The following TYK2 variants were observed in gnomAD, a reference collection of about 807,000 sequenced individuals.
The protein encoded by TYK2 is non-receptor tyrosine-protein kinase TYK2.
TYK2 carries 65 observed loss-of-function variants against 130.9 expected under a neutral mutation model. The observed-to-expected ratio is 0.50, with a 90% CI of 0.41 to 0.61. The LOEUF (loss-of-function observed/expected upper bound fraction) is 0.61, where lower values mean the gene tolerates loss of function less well. TYK2 is among the 20% of genes least tolerant of loss of function. The pLI is 0.00. For missense variants in TYK2, 1,378 were observed against 1,610.7 expected, an observed-to-expected ratio of 0.86 and a Z score of 2.47; for synonymous variants, 647 against 658.9, an observed-to-expected ratio of 0.98 and a Z score of 0.28.
In TYK2 at chr19:10,362,288, G is replaced by A. The variant is rs78089853; in HGVS notation, c.1645C>T (p.Arg549Cys). Reference sequence around the variant, plus strand: ...CCTCCTGGTTGGGGCAGGCAACAGCGACGCAGAGAGAAGCAGTCATCCCCG... The same window carrying A: ...CCTCCTGGTTGGGGCAGGCAACAGCAACGCAGAGAGAAGCAGTCATCCCCG... Reference protein sequence around the residue: ...RAGDDCFSLRRCCLPQPGETS... With the variant: ...RAGDDCFSLRCCCLPQPGETS... Residue 549 changes from arginine (R) to cysteine (C), a missense_variant, in exon 11 of 25, where the codon CGC (arginine) becomes TGC (cysteine). Coordinates refer to ENST00000525621, the MANE Select transcript of TYK2 (RefSeq NM_003331.5). The A allele has an allele frequency of 5.8e-5, 94 of 1,614,120 alleles. No individual in the cohort carries two copies. The East Asian group carries it at 1.9e-3, about 32-fold the overall frequency.
intron 22 of TYK2, 64 bp downstream of exon 22, chr19:10,352,862 C>T: frequency 6.6e-7 from 1 of 1,515,386 alleles, no homozygotes; most frequent in South Asian, 1.3e-5. Context: ...CAGCATCCGT[C>T]TACTCCACCC....
chr19:10,354,975 G>A (rs1288134531), intron 18 of TYK2, among the ~76,000 whole-genome samples: 2 of 148,614 alleles, frequency 1.3e-5, no homozygotes, highest in African/African-American at 2.5e-5. Context: ...AGGATCGTTT[G>A]AGCCCAGGAG....
chr19:10,356,844 A>T, intron 17 of TYK2, 126 bp from the exon 18 acceptor site: 1 of 995,066 alleles, frequency 1.0e-6, no homozygotes, highest in Non-Finnish European at 1.5e-6. Flanking sequence ...CATTATACAG[A>T]TGAGGCAACT....
At chr19:10,376,845 A>T (rs1462941858) in intron 3 of TYK2, among the ~76,000 whole-genome samples, 1 of 139,704 alleles carries the variant, frequency 7.2e-6, no homozygotes, top group Non-Finnish European at 1.5e-5. Flanking sequence ...CAAGTGATCC[A>T]CCAGCCTCAG....
In TYK2 at chr19:10,359,299, A is replaced by G. The variant is rs12720356; in HGVS notation, c.2051T>C (p.Ile684Thr). Residue 684 changes from isoleucine (I) to threonine (T), a missense_variant, in exon 15 of 25, where the codon ATC becomes ACC. Coordinates refer to ENST00000525621, the MANE Select transcript of TYK2 (RefSeq NM_003331.5). Reference protein sequence around the residue: ...HGVCVRGPENIMVTEYVEHGP... With the variant: ...HGVCVRGPENTMVTEYVEHGP... Reference sequence around the variant, plus strand: ...GTGCTCCACGTACTCTGTCACCATGATATCTGTAAAGACACAGCTGCTCTG... The same window carrying G: ...GTGCTCCACGTACTCTGTCACCATGGTATCTGTAAAGACACAGCTGCTCTG... 10 of 1,610,648 alleles carry G rather than the reference A, an allele frequency of 6.2e-6. No individual in the cohort carries two copies. The highest frequency in any genetic ancestry group is 1.7e-5 in the Admixed American group (1 of 59,894).
chr19:10,366,733 T>TAAAAAA (rs750662938), intron 5 of TYK2, among the ~76,000 whole-genome samples, 153 bp from the exon 6 acceptor site: 1 of 101,918 alleles, frequency 9.8e-6, no homozygotes. Context: ...GCTGATGAGC[T>TAAAAAA]AAAAAAAAAA....
chr19:10,354,098 A>T lies in TYK2; in HGVS notation c.2852T>A (p.Leu951Gln), dbSNP rs778172039. The T allele has an allele frequency of 6.2e-7, 1 of 1,614,126 alleles. No individual in the cohort carries two copies. The highest frequency in any genetic ancestry group is 8.5e-7 in the Non-Finnish European group (1 of 1,180,028). ...RSGWKQEIDI[L>Q]RTLYHEHIIK... ...GATGTGCTCGTGGTAGAGCGTGCGC[A>T]GAATGTCAATCTCCTGCTTCCAGCC... Residue 951 changes from leucine (L) to glutamine (Q), a missense_variant, in exon 20 of 25, where the codon CTG (leucine) becomes CAG (glutamine). Transcript: ENST00000525621.
In TYK2 at chr19:10,350,952, T is replaced by G; in HGVS notation, c.3446A>C (p.Lys1149Thr). 1 of 1,614,174 alleles carries G rather than the reference T, an allele frequency of 6.2e-7. No individual in the cohort carries two copies. Among genetic ancestry groups the G allele is most frequent in the Non-Finnish European group, 8.5e-7 (1 of 1,180,024 alleles). ...GGACGCCTCTGTCTCCCAGCAGTTC[T>G]TCATGAGATGATAGACCTAGAAGGA... ...KCPCEVYHLMKNCWETEASFR... is the reference protein window; with the variant it reads ...KCPCEVYHLMTNCWETEASFR... Residue 1149 changes from lysine (K) to threonine (T), a missense_variant, in exon 25 of 25, where the codon AAG becomes ACG. Physicochemically the swap from Lys to Thr is moderately conservative, Grantham distance 78. Coordinates refer to ENST00000525621, the MANE Select transcript of TYK2 (RefSeq NM_003331.5).
chr19:10,378,744 G>A (rs1199996107), intron 2 of TYK2, among the ~76,000 whole-genome samples: 3 of 152,226 alleles, frequency 2.0e-5, no homozygotes, highest in South Asian at 2.1e-4. Flanking sequence ...ACTTTGGGAT[G>A]TTGAGGCAAG....
At position 10,353,611 on chromosome 19, in the gene TYK2, G is replaced by T; in HGVS notation, c.2944C>A (p.Pro982Thr). The change falls in exon 21 of 25, where the codon CCC becomes ACC. Residue 982 changes from proline to threonine, a missense_variant. Transcript: ENST00000525621. This position sits in a 1 kb window ranked among gnomAD's most constrained non-coding sequence, Gnocchi z 6.9. ...AGGTAGTCTCGGAGGCTGCCCAGGG[G>T]CACGTACTCCATGACCAGCTGCAGC... Reference protein sequence around the residue: ...KSLQLVMEYVPLGSLRDYLPR... With the variant: ...KSLQLVMEYVTLGSLRDYLPR... The T allele has an allele frequency of 6.8e-7, 1 of 1,479,966 alleles. No individual in the cohort carries two copies. The highest frequency in any genetic ancestry group is 9.0e-7 in the Non-Finnish European group (1 of 1,113,922). The allele number at this position is 1,479,966 out of a possible 1,614,324, so 91.7% of individuals were successfully genotyped here.
intron 3 of TYK2, among the ~76,000 whole-genome samples, chr19:10,374,493 G>A (rs1053530404): frequency 4.1e-5 from 6 of 146,850 alleles, no homozygotes; most frequent in Admixed American, 1.4e-4. Flanking sequence ...GCTGAGGCAG[G>A]AGAATCACTT....
intron 2 of TYK2, among the ~76,000 whole-genome samples, 156 bp downstream of exon 2, chr19:10,379,459 G>C (rs993242134): frequency 1.3e-5 from 2 of 150,710 alleles, no homozygotes; most frequent in Admixed American, 6.6e-5. Flanking sequence ...TCTGGAGATT[G>C]AGACCATCTT....
chr19:10,358,294 G>GTTTTTTTTTTTTTTTTTTT (rs770531180), intron 15 of TYK2, among the ~76,000 whole-genome samples, 156 bp from the exon 16 acceptor site: 7 of 91,440 alleles, frequency 7.7e-5, no homozygotes, highest in African/African-American at 3.1e-4. Flanking sequence ...TTTTTTTCTT[G>GTTTTTTTTTTTTTTTTTTT]TTTTTTTTTT....
chr19:10,353,352 G>T lies in TYK2; in HGVS notation c.3027+176C>A. The T allele has an allele frequency of 1.7e-6, 1 of 581,660 alleles. No homozygotes were observed. The highest frequency in any genetic ancestry group is 3.0e-6 in the Non-Finnish European group (1 of 337,456). The allele number at this position is 581,660 out of a possible 1,614,324, so 36.0% of individuals were successfully genotyped here. A position where few individuals can be genotyped will look rare whatever the true frequency, so the allele number is the denominator to read the frequency against. The stretch of plus-strand genomic sequence containing the variant: ...CCGAGCCGGCTGTGCGTGGTCCCTT[G>T]GGAGGAGGGGGTGTGGCCAAGCAAG... On this transcript the variant is annotated intron_variant, in intron 21 of 24. Transcript: ENST00000525621. The surrounding 1 kb of genome is among the most constrained non-coding windows in gnomAD (Gnocchi z 6.9).
chr19:10,374,513 A>C (rs1185808754), intron 3 of TYK2, among the ~76,000 whole-genome samples: 1 of 131,410 alleles, frequency 7.6e-6, no homozygotes, highest in Non-Finnish European at 1.6e-5. Flanking sequence ...TGAACCCGGG[A>C]GGCGGAGGTT....
At chr19:10,371,508 C>T (rs917476900) in intron 3 of TYK2, among the ~76,000 whole-genome samples, 2 of 151,854 alleles carry the variant, frequency 1.3e-5, no homozygotes, top group East Asian at 2.0e-4. Flanking sequence ...GGCGTGGTGG[C>T]GCATGCCTGT....
intron 5 of TYK2, among the ~76,000 whole-genome samples, chr19:10,367,846 G>A (rs2041737328): frequency 6.6e-6 from 1 of 151,832 alleles, no homozygotes; most frequent in Admixed American, 6.6e-5. Flanking sequence ...CGGGAACCTG[G>A]GAGGCGGAGC....
intron 3 of TYK2, among the ~76,000 whole-genome samples, chr19:10,370,508 C>G (rs1475408544): frequency 1.0e-5 from 1 of 97,850 alleles, no homozygotes; most frequent in Admixed American, 9.3e-5. Flanking sequence ...GCAAGACTGT[C>G]TCAAAAAAAA....
chr19:10,375,297 G>A (rs189677033), intron 3 of TYK2, among the ~76,000 whole-genome samples: 1 of 152,142 alleles, frequency 6.6e-6, no homozygotes, highest in Non-Finnish European at 1.5e-5. Flanking sequence ...CTGGAGGAAG[G>A]TATATGTAAC....
Sources: allele counts gnomAD v4.1 joint callset (sites outside exome capture counted in the v4.1 genomes callset), GRCh38; gene constraint gnomAD v4.1.1; non-coding constraint Gnocchi (gnomAD v3.1); transcripts MANE v1.5; gene names NCBI Gene and HGNC (gene_info 2026-07-23, HGNC 2026-07-21).